COL14A1: variants seen among roughly 807,000 people sequenced by gnomAD.
The protein encoded by COL14A1 is collagen type XIV alpha 1 chain, also known as collagen alpha-1(XIV) chain.
A neutral mutation model predicts 230.3 loss-of-function variants in COL14A1; 136 were observed. The ratio of observed to expected loss-of-function variants is 0.59; its 90% CI spans 0.51 to 0.68. The LOEUF is 0.68. Among genes scored for constraint, COL14A1 ranks in the 30% least tolerant of loss-of-function variants. COL14A1 has a pLI of 0.00. For missense variants in COL14A1, 1,976 were observed against 2,215.8 expected, an observed-to-expected ratio of 0.89 and a Z score of 2.17; for synonymous variants, 792 against 784.1, an observed-to-expected ratio of 1.01 and a Z score of -0.17.
At chr8:120,156,494 T>C (rs1815485523) in intron 2 of COL14A1, among the ~76,000 whole-genome samples, 1 of 152,194 alleles carries the variant, frequency 6.6e-6, no homozygotes, top group Admixed American at 6.5e-5. Context: ...ATATGAATCA[T>C]CTTTCAAAGA....
In COL14A1 at chr8:120,262,948, A is replaced by G; in HGVS notation, c.2950A>G (p.Lys984Glu). 1 of 1,613,786 alleles carries G rather than the reference A, an allele frequency of 6.2e-7. No homozygotes were observed. Among genetic ancestry groups the G allele is most frequent in the Non-Finnish European group, 8.5e-7 (1 of 1,179,858 alleles). ...TGGACTTCAGCCTGATTCTGAATAT[A>G]AAATCAGTGTTTATACAAAGCTCCA... ...FYGLQPDSEY[K>E]ISVYTKLQEI... is the part of the protein sequence containing the mutation. Residue 984 changes from lysine to glutamate, a missense_variant, in exon 24 of 48, where the codon AAA (lysine) becomes GAA (glutamate). By Grantham distance (56) the Lys-to-Glu change is moderately conservative. This residue lies in a region of COL14A1 where 1,791 missense variants were observed against 2,019.5 expected (regional missense o/e 0.89). Coordinates refer to ENST00000297848, the MANE Select transcript of COL14A1 (RefSeq NM_021110.4).
chr8:120,334,159 C>A (rs1237455834), intron 42 of COL14A1, among the ~76,000 whole-genome samples: 1 of 152,128 alleles, frequency 6.6e-6, no homozygotes, highest in Non-Finnish European at 1.5e-5. Flanking sequence ...TAGTCTTGTT[C>A]CTCTTATTCT....
rs1294219766 is a variant in COL14A1 at position 120,148,355 on chromosome 8, A to C, written c.88+425A>C. 3.3e-5 allele frequency among the ~76,000 whole-genome samples: 5 copies of C among 150,734 alleles called. No homozygotes were observed. In the South Asian group the frequency reaches 8.4e-4, roughly 25 times the overall value. On this transcript the variant is annotated intron_variant, in intron 2 of 47. Transcript: ENST00000297848. ...ACCATATTGGCCAGGCTGCTCTCGA[A>C]CTCCTGATCTCGTGATCTGCCCACC...
intron 42 of COL14A1, among the ~76,000 whole-genome samples, chr8:120,340,109 A>AGTGT (rs10665249): frequency 0.16 from 22,718 of 143,864 alleles, 2,005 homozygotes; most frequent in Non-Finnish European, 0.21. Flanking sequence ...TGAGTGAGTG[A>AGTGT]GTGTGTGTGT....
intron 5 of COL14A1, among the ~76,000 whole-genome samples, chr8:120,194,400 C>G (rs987853508): frequency 7.9e-5 from 12 of 152,046 alleles, no homozygotes; most frequent in African/African-American, 2.7e-4. Context: ...ACCCAAGCCC[C>G]CCCTTACCCC....
At chr8:120,308,632 G>A (rs1820925607) in intron 36 of COL14A1, among the ~76,000 whole-genome samples, 2 of 152,214 alleles carry the variant, frequency 1.3e-5, no homozygotes, top group Admixed American at 1.3e-4. Context: ...TAAAAAGGAA[G>A]AGTGCATGTA....
chr8:120,270,051 G>A lies in COL14A1; in HGVS notation c.3090G>A (p.Lys1030=), dbSNP rs753257419. 1.2e-6 allele frequency: 2 copies of A among 1,611,236 alleles called. No homozygotes were observed. Among genetic ancestry groups the A allele is most frequent in the Non-Finnish European group, 1.7e-6 (2 of 1,178,150 alleles). The change falls in exon 26 of 48, where the codon AAG becomes AAA. Residue 1030 remains lysine, a synonymous_variant. Coordinates refer to ENST00000297848, the MANE Select transcript of COL14A1 (RefSeq NM_021110.4). ...GGTCTTCAGTATGTAAGGCGGCCAA[G>A]GCTGACCTGGTATTTATGGTGGATG... is the stretch of plus-strand genomic sequence containing the variant. ...PPAKEVCKAA[K]ADLVFMVDGS...
intron 32 of COL14A1, among the ~76,000 whole-genome samples, chr8:120,285,583 G>A (rs1321587903): frequency 1.3e-5 from 2 of 152,010 alleles, no homozygotes; most frequent in Admixed American, 6.6e-5. Context: ...TCTCCCAGGA[G>A]AGTGATGGGA....
At chr8:120,269,950 A>T (rs1819609343) in intron 25 of COL14A1, 85 bp from the exon 26 acceptor site, 4 of 1,424,966 alleles carry the variant, frequency 2.8e-6, no homozygotes, top group Non-Finnish European at 3.9e-6. Flanking sequence ...CACTTAGCAG[A>T]GGGCAACCAT....
Position 120,315,979 on chromosome 8 carries a change from T to C in COL14A1, c.4641T>C (p.Asp1547=). The C allele has an allele frequency of 6.2e-7, 1 of 1,614,108 alleles. No individual in the cohort carries two copies. The highest frequency in any genetic ancestry group is 8.5e-7 in the Non-Finnish European group (1 of 1,179,980). ...IPGGVGSPGR[D]GSPGQRGLPG... ...GAGGCGTTGGTTCACCAGGACGTGA[T>C]GGCTCACCAGGCCAGAGGGTAAGGT... Residue 1547 remains aspartate (D), a synonymous_variant, in exon 40 of 48, where the codon GAT becomes GAC. Transcript: ENST00000297848.
At chr8:120,183,761 C>A (rs1454878070) in intron 5 of COL14A1, among the ~76,000 whole-genome samples, 1 of 152,200 alleles carries the variant, frequency 6.6e-6, no homozygotes, top group Non-Finnish European at 1.5e-5. Flanking sequence ...TTATTCATCC[C>A]AGGTCGAATA....
chr8:120,356,791 C>A (rs1823004035), intron 45 of COL14A1, among the ~76,000 whole-genome samples: 1 of 151,824 alleles, frequency 6.6e-6, no homozygotes, highest in Non-Finnish European at 1.5e-5. Flanking sequence ...CCATCCCCTG[C>A]CTCTCATTTC....
intron 37 of COL14A1, among the ~76,000 whole-genome samples, chr8:120,313,260 T>C (rs1305172537): frequency 2.0e-5 from 3 of 152,184 alleles, no homozygotes; most frequent in Non-Finnish European, 4.4e-5. Flanking sequence ...CTCAGGAGGC[T>C]GAGGCAGGAG....
In COL14A1 at chr8:120,163,535, G is replaced by A. The variant is rs1336686310; in HGVS notation, c.349+966G>A. Among the ~76,000 whole-genome samples, 10 of 152,156 alleles carry A rather than the reference G, an allele frequency of 6.6e-5. No individual in the cohort carries two copies. In the East Asian group the frequency reaches 9.7e-4, roughly 15 times the overall value. On this transcript the variant is annotated intron_variant, in intron 4 of 47. Coordinates refer to ENST00000297848, the MANE Select transcript of COL14A1 (RefSeq NM_021110.4). ...TCCCAGCACTTTGGGAGGCCGAGGC[G>A]GGCGGATCACCTGAGGTCAGGAGTT...
At chr8:120,220,210 A>G (rs1386685515) in intron 14 of COL14A1, among the ~76,000 whole-genome samples, 5 of 152,300 alleles carry the variant, frequency 3.3e-5, no homozygotes, top group African/African-American at 4.8e-5. Flanking sequence ...GAAATCCTCA[A>G]AAAACATTCT....
chr8:120,328,976 A>G (rs945351568), intron 40 of COL14A1, among the ~76,000 whole-genome samples: 1 of 152,186 alleles, frequency 6.6e-6, no homozygotes, highest in Non-Finnish European at 1.5e-5. Flanking sequence ...GGGCTCACGC[A>G]TAGGTGCATG....
intron 1 of COL14A1, among the ~76,000 whole-genome samples, chr8:120,126,331 T>C (rs1223080724): frequency 6.6e-6 from 1 of 152,234 alleles, no homozygotes; most frequent in East Asian, 1.9e-4. Context: ...AGGGTTGCTC[T>C]GCTAAGGTCC....
Position 120,147,867 on chromosome 8 carries a change from C to G in COL14A1, c.25C>G (p.Arg9Gly), listed in dbSNP as rs771681479. 1.2e-6 allele frequency: 2 copies of G among 1,613,636 alleles called. No individual in the cohort carries two copies. The highest frequency in any genetic ancestry group is 1.7e-6 in the Non-Finnish European group (2 of 1,179,746). Residue 9 changes from arginine to glycine, a missense_variant, in exon 2 of 48, where the codon CGG becomes GGG. This residue lies in a region of COL14A1 where 181 missense variants were observed against 178.6 expected (regional missense o/e 1.01). Coordinates refer to ENST00000297848, the MANE Select transcript of COL14A1 (RefSeq NM_021110.4). MKIFQRKMRYWLLPPFLAI... is the reference protein window; with the variant it reads MKIFQRKMGYWLLPPFLAI... ...AATGAAGATTTTCCAGCGCAAGATG[C>G]GGTACTGGTTGCTTCCACCTTTTTT...
chr8:120,221,020 C>T (rs1410187817), intron 14 of COL14A1, among the ~76,000 whole-genome samples: 4 of 152,294 alleles, frequency 2.6e-5, no homozygotes, highest in African/African-American at 4.8e-5. Context: ...ACTTGTCAAA[C>T]TACGGACAGA....
Sources: gnomAD v4.1 joint callset for allele counts (sites outside exome capture counted in the v4.1 genomes callset) on GRCh38, gnomAD v4.1.1 for gene constraint, gnomAD v4.1.1 regional missense constraint, MANE v1.5 for transcripts, NCBI Gene and HGNC (gene_info 2026-07-23, HGNC 2026-07-21) for gene names.